The following FER variants were observed in gnomAD, a reference collection of about 807,000 sequenced individuals.
FER encodes the protein tyrosine-protein kinase Fer.
A neutral mutation model predicts 111.0 loss-of-function variants in FER; 63 were observed. The ratio of observed to expected loss-of-function variants is 0.57; its 90% CI spans 0.46 to 0.70. FER has a LOEUF of 0.70. Among genes scored for constraint, FER ranks in the 30% least tolerant of loss-of-function variants. FER has a pLI of 0.00. For missense variants in FER, 914 were observed against 954.0 expected (o/e 0.96, Z 0.55); for synonymous variants, 327 against 313.9 (o/e 1.04, Z -0.44).
At chr5:109,015,421 TGGAG>T (rs1303660031) in intron 13 of FER, among the ~76,000 whole-genome samples, 1 of 151,998 alleles carries the variant, frequency 6.6e-6, no homozygotes, top group African/African-American at 2.4e-5. Context: ...AAGTAGTAGT[TGGAG>T]GGAGCATATA....
In FER at chr5:108,832,924, T is replaced by C. The variant is rs533871351; in HGVS notation, c.362T>C (p.Ile121Thr). The part of the protein sequence containing the change: ...KKSYIGVHQQ[I>T]EAEMIKVTKT... ...AGTTACATAGGTGTTCATCAGCAGA[T>C]AGAGGCAGAGATGATCAAGGTTCGT... Residue 121 changes from isoleucine (I) to threonine (T), a missense_variant, in exon 4 of 20, where the codon ATA (isoleucine) becomes ACA (threonine). Around this residue, in one of 3 missense-constraint regions of FER, gnomAD observed 774 missense variants for 782.6 expected, o/e 0.99. Transcript: ENST00000281092. 4 of 1,589,612 alleles carry C rather than the reference T, an allele frequency of 2.5e-6. No individual in the cohort carries two copies. In the South Asian group the frequency reaches 4.7e-5, roughly 19 times the overall value.
At chr5:108,809,937 A>G (rs897234664) in intron 3 of FER, among the ~76,000 whole-genome samples, 1 of 152,144 alleles carries the variant, frequency 6.6e-6, no homozygotes, top group Admixed American at 6.5e-5. Context: ...AGCTGGTATG[A>G]TCCTTTGGTG....
In FER at chr5:108,911,653, TA is replaced by T. The variant is rs1332437185; in HGVS notation, c.1236+13806del. 1.3e-4 allele frequency among the ~76,000 whole-genome samples: 20 copies of T among 152,260 alleles called. No individual in the cohort carries two copies. The East Asian group carries it at 3.1e-3, about 23-fold the overall frequency. ...GTTAATTTTTGTATATGGTGAGAGATAGGGGTCTAGTTTTATTCTTTTGCAT... is the reference window on the plus strand; with the variant it reads ...GTTAATTTTTGTATATGGTGAGAGATGGGGTCTAGTTTTATTCTTTTGCAT... On this transcript the variant is annotated intron_variant, in intron 10 of 19. Transcript: ENST00000281092.
intron 16 of FER, among the ~76,000 whole-genome samples, chr5:109,068,319 G>T (rs531390911): frequency 2.6e-4 from 39 of 152,110 alleles, no homozygotes; most frequent in African/African-American, 9.2e-4. Context: ...GAGTAGCTGG[G>T]GCTATAGGCG....
At chr5:109,170,773 C>G (rs1200104447) in intron 17 of FER, among the ~76,000 whole-genome samples, 1 of 152,178 alleles carries the variant, frequency 6.6e-6, no homozygotes, top group Non-Finnish European at 1.5e-5. Flanking sequence ...AACTTACCCT[C>G]TGAGTGTGAC....
rs945856076 is a variant in FER, at chr5:109,194,032, G to C, written c.*6457G>C. The stretch of plus-strand genomic sequence containing the variant: ...TTGAGAGATTTTCCTAACGCAGCAA[G>C]ATTTCTGTGAGTAGAGGTATCCTGG... On this transcript the variant is annotated 3_prime_UTR_variant, in exon 20 of 20. Transcript: ENST00000281092. The C allele has an allele frequency of 6.6e-6, 1 of 152,152 alleles. No individual in the cohort carries two copies. Among genetic ancestry groups the C allele is most frequent in the Non-Finnish European group, 1.5e-5 (1 of 68,022 alleles). 9.4% of individuals were successfully genotyped at this position (152,152 alleles called of 1,614,324 possible).
intron 17 of FER, among the ~76,000 whole-genome samples, chr5:109,146,253 A>AATAT (rs6149172): frequency 0.05 from 2,090 of 41,642 alleles, 132 homozygotes; most frequent in Middle Eastern, 0.069. Flanking sequence ...TAATCTATCT[A>AATAT]ATATATATAT....
intron 3 of FER, among the ~76,000 whole-genome samples, chr5:108,824,742 TATTA>T (rs1162646653): frequency 1.4e-4 from 22 of 152,166 alleles, no homozygotes; most frequent in African/African-American, 3.9e-4. Flanking sequence ...AGAATTCACT[TATTA>T]ATTCAGTTTT....
chr5:108,755,522 G>GT (rs1336930317), intron 1 of FER, among the ~76,000 whole-genome samples: 1 of 152,060 alleles, frequency 6.6e-6, no homozygotes, highest in Admixed American at 6.6e-5. Context: ...TTCCACTCTT[G>GT]TTGCCCAGGC....
In FER at chr5:108,832,817, G is replaced by A; in HGVS notation, c.255G>A (p.Met85Ile). Residue 85 changes from methionine to isoleucine, a missense_variant, in exon 4 of 20, where the codon ATG becomes ATA. Around this residue, in one of 3 missense-constraint regions of FER, gnomAD observed 774 missense variants for 782.6 expected, o/e 0.99. Coordinates refer to ENST00000281092, the MANE Select transcript of FER (RefSeq NM_005246.4). The stretch of plus-strand genomic sequence containing the variant: ...AGACAGAACAACTTAGTAGGATAAT[G>A]AAGACACATGCAGAGGACTTGAACT... The part of the protein sequence containing the change: ...IQQTEQLSRI[M>I]KTHAEDLNSG... 1 of 1,589,406 alleles carries A rather than the reference G, an allele frequency of 6.3e-7. No homozygotes were observed. The highest frequency in any genetic ancestry group is 8.6e-7 in the Non-Finnish European group (1 of 1,167,888).
intron 16 of FER, among the ~76,000 whole-genome samples, chr5:109,067,516 C>A (rs1043345365): frequency 2.0e-5 from 3 of 151,940 alleles, no homozygotes; most frequent in Admixed American, 1.3e-4. Flanking sequence ...ATAGCTTATA[C>A]ACTGTTCTGC....
chr5:108,962,176 G>A (rs996376919), intron 13 of FER, among the ~76,000 whole-genome samples: 5 of 152,136 alleles, frequency 3.3e-5, no homozygotes, highest in African/African-American at 1.2e-4. Context: ...AAACTAGTGG[G>A]TGCCTGAGCC....
At chr5:109,143,277 T>C (rs1171925473) in intron 17 of FER, among the ~76,000 whole-genome samples, 1 of 152,170 alleles carries the variant, frequency 6.6e-6, no homozygotes, top group Non-Finnish European at 1.5e-5. Flanking sequence ...AAGAGTTTAC[T>C]GTATGCCATA....
intron 13 of FER, among the ~76,000 whole-genome samples, chr5:109,011,930 C>T (rs533880434): frequency 2.1e-4 from 32 of 152,228 alleles, no homozygotes; most frequent in Non-Finnish European, 3.4e-4. Context: ...TATGAACACT[C>T]ATGCGTCAGT....
intron 2 of FER, among the ~76,000 whole-genome samples, chr5:108,784,745 A>T (rs984600822): frequency 2.0e-5 from 3 of 152,228 alleles, no homozygotes; most frequent in African/African-American, 7.2e-5. Flanking sequence ...GCTGAAACAA[A>T]GGGATGGGCT....
chr5:109,159,611 G>T (rs1755784715), intron 17 of FER, among the ~76,000 whole-genome samples: 2 of 152,170 alleles, frequency 1.3e-5, no homozygotes, highest in South Asian at 4.1e-4. Flanking sequence ...GGGGTGTATA[G>T]TACGGTCAGT....
At chr5:108,820,175 T>C (rs1367665477) in intron 3 of FER, 2 of 985,298 alleles carry the variant, frequency 2.0e-6, no homozygotes, top group Admixed American at 1.2e-4. Context: ...AACAGTCCTC[T>C]ACTAGAGCTG....
chr5:108,810,385 C>T (rs73780580), intron 3 of FER, among the ~76,000 whole-genome samples: 3,284 of 152,282 alleles, frequency 0.022, 116 homozygotes, highest in African/African-American at 0.075. Flanking sequence ...TCTGATTTCC[C>T]TGCTCACCTC....
chr5:109,106,534 T>C (rs1390732684), intron 17 of FER, among the ~76,000 whole-genome samples: 1 of 152,198 alleles, frequency 6.6e-6, no homozygotes, highest in Non-Finnish European at 1.5e-5. Context: ...ATTTTTATTT[T>C]TAGCTTTGAA....
Sources: allele counts gnomAD v4.1 joint callset (sites outside exome capture counted in the v4.1 genomes callset), GRCh38; gene constraint gnomAD v4.1.1; regional missense constraint gnomAD v4.1.1; transcripts MANE v1.5; gene names NCBI Gene and HGNC (gene_info 2026-07-23, HGNC 2026-07-21).